HIP1R: variants seen among roughly 807,000 people sequenced by gnomAD.
The protein encoded by HIP1R is huntingtin-interacting protein 1-related protein.
In HIP1R, 135 loss-of-function variants were observed where a neutral mutation model predicts 144.2. The ratio of observed to expected loss-of-function variants is 0.94; its 90% CI spans 0.81 to 1.08. The LOEUF (loss-of-function observed/expected upper bound fraction) is 1.08. HIP1R is among the 50% of genes least tolerant of loss of function. The pLI is 0.00. For synonymous variants in HIP1R, 698 were observed against 612.8 expected (o/e 1.14, Z -2.05); for missense variants, 1,462 against 1,432.8 (o/e 1.02, Z -0.33).
In HIP1R at chr12:122,848,016, C is replaced by T. The variant is rs2033260866; in HGVS notation, c.94-15C>T. The T allele has an allele frequency of 6.2e-7, 1 of 1,613,340 alleles. No individual in the cohort carries two copies. The highest frequency in any genetic ancestry group is 8.5e-7 in the Non-Finnish European group (1 of 1,179,918). ...CTGCCTGGGGCTCTAAACACTGCTC[C>T]TTTGTCCCTCACAGGCCATCAGCAT... On this transcript the variant is annotated splice_polypyrimidine_tract_variant and intron_variant, in intron 1 of 31. Transcript: ENST00000253083.
chr12:122,843,005 T>C (rs938842251), intron 1 of HIP1R, among the ~76,000 whole-genome samples: 2 of 152,120 alleles, frequency 1.3e-5, no homozygotes, highest in African/African-American at 4.8e-5. Context: ...CCCCAAGGGA[T>C]GGGGGTAGTG....
chr12:122,852,117 C>T (rs945903882), intron 7 of HIP1R, among the ~76,000 whole-genome samples: 2 of 152,224 alleles, frequency 1.3e-5, no homozygotes, highest in African/African-American at 4.8e-5. Flanking sequence ...ATGGGTGACT[C>T]AGTGCTCTCC....
Position 122,840,034 on chromosome 12 carries a change from C to T in HIP1R, c.93+4391C>T, listed in dbSNP as rs927085681. On this transcript the variant is annotated intron_variant, in intron 1 of 31. Coordinates refer to ENST00000253083, the MANE Select transcript of HIP1R (RefSeq NM_003959.3). The surrounding 1 kb of genome is among the most constrained non-coding windows in gnomAD (Gnocchi z 4.2). ...GTTGAGCTCGTTGTTCCTGGGCATGCGCACTGCTGTCTCGCCCCGTGACAT... is the reference window on the plus strand; with the variant it reads ...GTTGAGCTCGTTGTTCCTGGGCATGTGCACTGCTGTCTCGCCCCGTGACAT... 4.6e-5 allele frequency among the ~76,000 whole-genome samples: 7 copies of T among 152,268 alleles called. No individual in the cohort carries two copies. Among genetic ancestry groups the T allele is most frequent in the Non-Finnish European group, 7.3e-5 (5 of 68,044 alleles).
In HIP1R at chr12:122,849,900, A is replaced by T; in HGVS notation, c.383A>T (p.Gln128Leu). Residue 128 changes from glutamine (Q) to leucine (L), a missense_variant, in exon 5 of 32, where the codon CAG (glutamine) becomes CTG (leucine). Around this residue, in one of 2 missense-constraint regions of HIP1R, gnomAD observed 350 missense variants for 421.1 expected, o/e 0.83. Transcript: ENST00000253083. Reference protein sequence around the residue: ...LWGHLHDRYGQLVNVYTKLLL... With the variant: ...LWGHLHDRYGLLVNVYTKLLL... ...GGACATTTGCATGACCGCTACGGAC[A>T]GCTGGTGAATGTCTACACCAAGCTG... 5 of 1,613,576 alleles carry T rather than the reference A, an allele frequency of 3.1e-6. No individual in the cohort carries two copies. Among genetic ancestry groups the T allele is most frequent in the Non-Finnish European group, 4.2e-6 (5 of 1,179,888 alleles).
chr12:122,861,689 AC>A lies in HIP1R; in HGVS notation c.3160-15del. 5 of 1,613,796 alleles carry A rather than the reference AC, an allele frequency of 3.1e-6. No homozygotes were observed. Among genetic ancestry groups the A allele is most frequent in the Non-Finnish European group, 4.2e-6 (5 of 1,179,874 alleles). On this transcript the variant is annotated splice_polypyrimidine_tract_variant and intron_variant, in intron 31 of 31. Coordinates refer to ENST00000253083, the MANE Select transcript of HIP1R (RefSeq NM_003959.3). ...GCCTGGCTGTGACCACTGACCCCCC[AC>A]CTTTAACCCCTGCAGCTTGACAAAA...
chr12:122,858,081 CCTCTT>C lies in HIP1R; in HGVS notation c.1816-19_1816-15del, dbSNP rs3069144. On this transcript the variant is annotated splice_polypyrimidine_tract_variant and intron_variant, in intron 18 of 31. Coordinates refer to ENST00000253083, the MANE Select transcript of HIP1R (RefSeq NM_003959.3). The stretch of plus-strand genomic sequence containing the variant: ...GCCTTGGGGAGGATCTCTAACCTGT[CCTCTT>C]CACCCCCATTGCCAGGAGTCTCAGG... 0.87 allele frequency: 1,356,222 copies of C among 1,558,744 alleles called. 592,414 individuals are homozygous for C. The highest frequency in any genetic ancestry group is 0.93 in the Admixed American group (52,801 of 56,972).
rs1234189270 is a variant in HIP1R, at chr12:122,855,612, G to C, written c.1055G>C (p.Arg352Thr). 1 of 1,549,726 alleles carries C rather than the reference G, an allele frequency of 6.5e-7. No homozygotes were observed. The highest frequency in any genetic ancestry group is 8.7e-7 in the Non-Finnish European group (1 of 1,146,706). Residue 352 changes from arginine to threonine, a missense_variant and splice_region_variant, in exon 12 of 32, where the codon AGG (arginine) becomes ACG (threonine). By Grantham distance (71) the Arg-to-Thr change is moderately conservative. Transcript: ENST00000253083. ...GPPNGSVKDD[R>T]DLQIESLKRE... ...CCCAATGGGTCTGTGAAGGACGACA[G>C]GTGAGGGCTGGAGGAGCCGACTGGG...
In HIP1R at chr12:122,859,849, C is replaced by A. The variant is rs1419279635; in HGVS notation, c.2465+19C>A. On this transcript the variant is annotated intron_variant, in intron 24 of 31. Coordinates refer to ENST00000253083, the MANE Select transcript of HIP1R (RefSeq NM_003959.3). ...ACGAGAGGTGAGCCCCCCTTCTGTC[C>A]CCCCAGGCCCAGCCGAGGTGGGCTC... 1 of 1,608,868 alleles carries A rather than the reference C, an allele frequency of 6.2e-7. No individual in the cohort carries two copies. Among genetic ancestry groups the A allele is most frequent in the Non-Finnish European group, 8.5e-7 (1 of 1,177,404 alleles).
Position 122,861,473 on chromosome 12 carries a change from C to G in HIP1R, c.3118C>G (p.Leu1040Val), listed in dbSNP as rs1053935689. 1 of 1,613,346 alleles carries G rather than the reference C, an allele frequency of 6.2e-7. No homozygotes were observed. Among genetic ancestry groups the G allele is most frequent in the Non-Finnish European group, 8.5e-7 (1 of 1,179,878 alleles). The change falls in exon 31 of 32, where the codon CTG becomes GTG. Residue 1040 changes from leucine to valine, a missense_variant. Physicochemically the swap from Leu to Val is conservative, Grantham distance 32. This residue lies in a region of HIP1R where 1,112 missense variants were observed against 1,011.7 expected (regional missense o/e 1.10). Coordinates refer to ENST00000253083, the MANE Select transcript of HIP1R (RefSeq NM_003959.3). ...PRSVTTKKPPLAQKPSVAPRQ... is the reference protein window; with the variant it reads ...PRSVTTKKPPVAQKPSVAPRQ... Reference sequence around the variant, plus strand: ...AAGTGTAACCACCAAGAAACCACCCCTGGCCCAGAAGCCCAGCGTGGCCCC... The same window carrying G: ...AAGTGTAACCACCAAGAAACCACCCGTGGCCCAGAAGCCCAGCGTGGCCCC...
At chr12:122,858,024 A>G in intron 18 of HIP1R, 78 bp from the exon 19 acceptor site, 1 of 1,360,432 alleles carries the variant, frequency 7.4e-7, no homozygotes, top group Non-Finnish European at 9.9e-7. Flanking sequence ...CTGGTGGCCC[A>G]TGGGTCATTC....
intron 19 of HIP1R, 35 bp from the exon 20 acceptor site, chr12:122,858,314 G>T (rs1194457772): frequency 1.3e-6 from 2 of 1,593,926 alleles, no homozygotes; most frequent in Admixed American, 1.7e-5. Flanking sequence ...CTGAGCAGCG[G>T]GTGGCAGGGG....
In HIP1R at chr12:122,861,176, A is replaced by T. The variant is rs747717077; in HGVS notation, c.2936A>T (p.Gln979Leu). The T allele has an allele frequency of 1.2e-6, 2 of 1,604,940 alleles. No homozygotes were observed. The highest frequency in any genetic ancestry group is 1.7e-6 in the Non-Finnish European group (2 of 1,177,708). The change falls in exon 30 of 32, where the codon CAG becomes CTG. Residue 979 changes from glutamine (Q) to leucine (L), a missense_variant. Physicochemically the swap from Gln to Leu is moderately radical, Grantham distance 113. Around this residue, in one of 2 missense-constraint regions of HIP1R, gnomAD observed 1,112 missense variants for 1,011.7 expected, o/e 1.10. Coordinates refer to ENST00000253083, the MANE Select transcript of HIP1R (RefSeq NM_003959.3). Reference protein sequence around the residue: ...SGLSLIKLKKQEMETQVRVLE... With the variant: ...SGLSLIKLKKLEMETQVRVLE... ...CTGTCCCTCATCAAGCTGAAGAAGC[A>T]GGAGATGGAGACCCAGGTAGGCGCC...
chr12:122,840,498 T>C lies in HIP1R; in HGVS notation c.93+4855T>C, dbSNP rs900544866. Among the ~76,000 whole-genome samples the C allele has an allele frequency of 6.6e-6, 1 of 152,200 alleles. No homozygotes were observed. Among genetic ancestry groups the C allele is most frequent in the African/African-American group, 2.4e-5 (1 of 41,452 alleles). On this transcript the variant is annotated intron_variant, in intron 1 of 31. Transcript: ENST00000253083. The surrounding 1 kb of genome is among the most constrained non-coding windows in gnomAD (Gnocchi z 4.2). ...CTTATCTACAAAATGGGGGCAATAA[T>C]ACTACACACCTCCTGGAGTGGTTGT...
At chr12:122,854,585 C>T (rs7958723) in intron 8 of HIP1R, among the ~76,000 whole-genome samples, 5,257 of 152,268 alleles carry the variant, frequency 0.035, 219 homozygotes, top group African/African-American at 0.094. Flanking sequence ...CTTTGAGAAC[C>T]ACTGTGTTAG....
chr12:122,848,208 CG>C, intron 2 of HIP1R, 114 bp downstream of exon 2: 1 of 1,177,004 alleles, frequency 8.5e-7, no homozygotes, highest in Non-Finnish European at 1.2e-6. Flanking sequence ...TCACTGAGCC[CG>C]GGGAGGAGGG....
chr12:122,857,299 T>G, intron 18 of HIP1R, 84 bp downstream of exon 18: 2 of 1,282,082 alleles, frequency 1.6e-6, no homozygotes, highest in South Asian at 2.5e-5. Flanking sequence ...CTGCCTGTTC[T>G]AGAGATTTCA....
At chr12:122,850,140 A>T (rs1322874043) in intron 5 of HIP1R, 185 bp downstream of exon 5, 3 of 695,812 alleles carry the variant, frequency 4.3e-6, no homozygotes, top group Non-Finnish European at 7.9e-6. Flanking sequence ...AGCTCCTAGA[A>T]CACTTCAGGC....
At position 122,856,027 on chromosome 12, in the gene HIP1R, G is replaced by A. The variant is rs1463182122; in HGVS notation, c.1176G>A (p.Glu392=). ...TGAAGAGCCAGGTGAATGCACTGGA[G>A]GGTGAGCTGGAGGAGCAGCGGAAGC... is the stretch of plus-strand genomic sequence containing the variant. The part of the protein sequence containing the change: ...AQLKSQVNAL[E]GELEEQRKQK... Residue 392 remains glutamate (E), a synonymous_variant, in exon 14 of 32, where the codon GAG becomes GAA. Coordinates refer to ENST00000253083, the MANE Select transcript of HIP1R (RefSeq NM_003959.3). 16 of 1,596,694 alleles carry A rather than the reference G, an allele frequency of 1.0e-5. No homozygotes were observed. The highest frequency in any genetic ancestry group is 1.4e-5 in the Non-Finnish European group (16 of 1,171,920).
At chr12:122,837,445 A>G (rs957907625) in intron 1 of HIP1R, among the ~76,000 whole-genome samples, 2 of 151,982 alleles carry the variant, frequency 1.3e-5, no homozygotes, top group Non-Finnish European at 2.9e-5. Context: ...CAGCCTCCCA[A>G]GTGGCTGGGA....
Sources: allele counts gnomAD v4.1 joint callset (sites outside exome capture counted in the v4.1 genomes callset), GRCh38; gene constraint gnomAD v4.1.1; regional missense constraint gnomAD v4.1.1; non-coding constraint Gnocchi (gnomAD v3.1); transcripts MANE v1.5; gene names NCBI Gene and HGNC (gene_info 2026-07-23, HGNC 2026-07-21).